BRINP1: variants seen among roughly 807,000 people sequenced by gnomAD.
BRINP1 encodes the protein BMP/retinoic acid-inducible neural-specific protein 1.
A neutral mutation model predicts 72.9 loss-of-function variants in BRINP1; 17 were observed. The observed-to-expected ratio is 0.23, with a 90% CI of 0.16 to 0.35. BRINP1 has a LOEUF of 0.35. BRINP1 is among the 10% of genes least tolerant of loss of function. The probability of loss-of-function intolerance (pLI) is 1.00; values close to 1 mark genes in which losing one functional copy is unlikely to be tolerated. For missense variants in BRINP1, 850 were observed against 1,001.6 expected (o/e 0.85, Z 2.04); for synonymous variants, 418 against 378.5 (o/e 1.10, Z -1.21).
intron 2 of BRINP1, among the ~76,000 whole-genome samples, chr9:119,277,369 G>T (rs76837644): frequency 0.028 from 4,315 of 152,204 alleles, 201 homozygotes; most frequent in African/African-American, 0.099. Context: ...CAGCTTTTAG[G>T]GGCTCATAGA....
In BRINP1 at chr9:119,200,971, T is replaced by C. The variant is rs1319945483; in HGVS notation, c.1145+7748A>G. Among the ~76,000 whole-genome samples the C allele has an allele frequency of 2.0e-5, 3 of 152,156 alleles. No individual in the cohort carries two copies. The East Asian group carries it at 5.8e-4, about 29-fold the overall frequency. ...AACTCAAAGAAAATTAGCAGAACTG[T>C]CCTGTCACTGAGAGAGACAAGAAAT... is the stretch of plus-strand genomic sequence containing the variant. On this transcript the variant is annotated intron_variant, in intron 7 of 7. Coordinates refer to ENST00000265922, the MANE Select transcript of BRINP1 (RefSeq NM_014618.3).
intron 7 of BRINP1, among the ~76,000 whole-genome samples, chr9:119,200,731 G>A (rs574975865): frequency 6.6e-6 from 1 of 151,990 alleles, no homozygotes; most frequent in South Asian, 2.1e-4. Context: ...GAATGAGAAG[G>A]AAGCATATAA....
intron 7 of BRINP1, among the ~76,000 whole-genome samples, chr9:119,171,536 G>C (rs1473469047): frequency 6.6e-6 from 1 of 150,438 alleles, no homozygotes. Flanking sequence ...AATAATGGGA[G>C]ACTTTAACAC....
chr9:119,294,554 T>C (rs1263252254), intron 2 of BRINP1, among the ~76,000 whole-genome samples: 1 of 149,572 alleles, frequency 6.7e-6, no homozygotes, highest in Admixed American at 6.7e-5. Context: ...CAAAACACAT[T>C]GATGAAGGAA....
intron 2 of BRINP1, among the ~76,000 whole-genome samples, chr9:119,281,332 C>T (rs1265627692): frequency 1.0e-4 from 15 of 150,066 alleles, no homozygotes; most frequent in African/African-American, 2.2e-4. Context: ...CCTGCTTTTG[C>T]GGAAGAACTA....
chr9:119,334,721 G>A (rs1223782795), intron 1 of BRINP1, among the ~76,000 whole-genome samples: 2 of 145,672 alleles, frequency 1.4e-5, no homozygotes, highest in South Asian at 2.2e-4. Context: ...CATAGTACTT[G>A]TCTTGGACTA....
intron 1 of BRINP1, among the ~76,000 whole-genome samples, chr9:119,318,106 C>T (rs1218873725): frequency 6.6e-6 from 1 of 152,114 alleles, no homozygotes; most frequent in African/African-American, 2.4e-5. Flanking sequence ...GGGCTGTAAG[C>T]CTTTAACTGG....
chr9:119,309,567 A>G (rs1831040276), intron 2 of BRINP1, among the ~76,000 whole-genome samples: 1 of 152,158 alleles, frequency 6.6e-6, no homozygotes, highest in African/African-American at 2.4e-5. Context: ...TAGAATGATG[A>G]TTTAAAACTC....
intron 1 of BRINP1, among the ~76,000 whole-genome samples, chr9:119,317,886 A>G (rs1831141733): frequency 6.6e-6 from 1 of 152,204 alleles, no homozygotes; most frequent in African/African-American, 2.4e-5. Flanking sequence ...TTTTTAATAA[A>G]GGCATATACA....
intron 5 of BRINP1, among the ~76,000 whole-genome samples, chr9:119,215,348 T>C (rs529387002): frequency 1.6e-4 from 24 of 152,320 alleles, no homozygotes; most frequent in African/African-American, 5.3e-4. Flanking sequence ...GAGTGGTCTA[T>C]TGTCTGTGGT....
intron 1 of BRINP1, among the ~76,000 whole-genome samples, chr9:119,348,905 G>C (rs909297236): frequency 6.6e-6 from 1 of 152,170 alleles, no homozygotes; most frequent in African/African-American, 2.4e-5. Flanking sequence ...CTCTGGCCGG[G>C]TATGTGTGGT....
chr9:119,260,740 A>C (rs1360700543), intron 2 of BRINP1, among the ~76,000 whole-genome samples: 1 of 152,238 alleles, frequency 6.6e-6, no homozygotes, highest in Non-Finnish European at 1.5e-5. Flanking sequence ...CTGAGTTAAG[A>C]AAATTAACGT....
intron 1 of BRINP1, among the ~76,000 whole-genome samples, chr9:119,344,309 A>G (rs1587967665): frequency 6.6e-6 from 1 of 152,336 alleles, no homozygotes; most frequent in African/African-American, 2.4e-5. Flanking sequence ...ATTATTTTGG[A>G]AAATACATAT....
chr9:119,368,117 G>A lies in BRINP1; in HGVS notation c.-51+939C>T, dbSNP rs954638347. On this transcript the variant is annotated intron_variant, in intron 1 of 7. Coordinates refer to ENST00000265922, the MANE Select transcript of BRINP1 (RefSeq NM_014618.3). The surrounding 1 kb of genome is among the most constrained non-coding windows in gnomAD (Gnocchi z 4.7). Reference sequence around the variant, plus strand: ...AGGACGCTTTCTCCTTTCCCCTGAGGGGGATCCATGCAAACTTGCCAGATC... The same window carrying A: ...AGGACGCTTTCTCCTTTCCCCTGAGAGGGATCCATGCAAACTTGCCAGATC... Among the ~76,000 whole-genome samples the A allele has an allele frequency of 6.6e-6, 1 of 152,198 alleles. No homozygotes were observed. The highest frequency in any genetic ancestry group is 1.9e-4 in the East Asian group (1 of 5,178).
chr9:119,241,794 C>T (rs1242710611), intron 4 of BRINP1, among the ~76,000 whole-genome samples: 1 of 152,164 alleles, frequency 6.6e-6, no homozygotes, highest in East Asian at 1.9e-4. Context: ...AATGAGAGAA[C>T]TGTTGATAGT....
intron 1 of BRINP1, among the ~76,000 whole-genome samples, chr9:119,340,322 C>T (rs987299702): frequency 6.6e-6 from 1 of 152,030 alleles, no homozygotes; most frequent in Non-Finnish European, 1.5e-5. Context: ...CTGAGGTTCC[C>T]GGCAGCTGAA....
intron 2 of BRINP1, among the ~76,000 whole-genome samples, chr9:119,262,716 A>G (rs1830510500): frequency 6.6e-6 from 1 of 151,624 alleles, no homozygotes; most frequent in African/African-American, 2.4e-5. Context: ...GCACAGGCAT[A>G]TAAGTCAGCC....
chr9:119,303,299 C>G (rs1830960440), intron 2 of BRINP1, among the ~76,000 whole-genome samples: 1 of 148,248 alleles, frequency 6.7e-6, no homozygotes, highest in Admixed American at 6.8e-5. Context: ...CAGACACACA[C>G]ACACACACAC....
chr9:119,361,481 G>A (rs989850899), intron 1 of BRINP1, among the ~76,000 whole-genome samples: 2 of 152,178 alleles, frequency 1.3e-5, no homozygotes, highest in African/African-American at 4.8e-5. Flanking sequence ...TCGAAACACA[G>A]TCTGTGCTGT....
Sources: allele counts gnomAD v4.1 joint callset (sites outside exome capture counted in the v4.1 genomes callset), GRCh38; gene constraint gnomAD v4.1.1; non-coding constraint Gnocchi (gnomAD v3.1); transcripts MANE v1.5; gene names NCBI Gene and HGNC (gene_info 2026-07-23, HGNC 2026-07-21).